The following ZMYM4 variants were observed in gnomAD, a reference collection of about 807,000 sequenced individuals.
ZMYM4 encodes the protein zinc finger MYM-type containing 4, also known as zinc finger MYM-type protein 4.
A neutral mutation model predicts 183.2 loss-of-function variants in ZMYM4; 31 were observed. The observed-to-expected ratio is 0.17, with a 90% CI of 0.13 to 0.23. ZMYM4 has a LOEUF of 0.23. Ranked by LOEUF, ZMYM4 falls within the 10% of genes least tolerant of loss-of-function variation. ZMYM4 has a pLI of 1.00. For synonymous variants in ZMYM4, 592 were observed against 631.2 expected, an observed-to-expected ratio of 0.94 and a Z score of 0.93; for missense variants, 1,273 against 1,840.3, an observed-to-expected ratio of 0.69 and a Z score of 5.64.
chr1:35,281,604 T>G (rs868299512), intron 1 of ZMYM4, among the ~76,000 whole-genome samples: 1 of 151,816 alleles, frequency 6.6e-6, no homozygotes, highest in Non-Finnish European at 1.5e-5. Context: ...AAAACACCAC[T>G]GTGTACCCCC....
At chr1:35,329,004 G>A (rs893917946) in intron 2 of ZMYM4, among the ~76,000 whole-genome samples, 2 of 152,056 alleles carry the variant, frequency 1.3e-5, no homozygotes, top group Admixed American at 6.6e-5. Context: ...CGGGATATGG[G>A]ACCTCAAATA....
chr1:35,395,770 A>G (rs1030160879), intron 18 of ZMYM4, among the ~76,000 whole-genome samples: 1 of 152,230 alleles, frequency 6.6e-6, no homozygotes, highest in Non-Finnish European at 1.5e-5. Flanking sequence ...ATTTTATAAT[A>G]AAGTTTTGAA....
chr1:35,348,396 G>A (rs1487359427), intron 2 of ZMYM4, among the ~76,000 whole-genome samples: 4 of 152,090 alleles, frequency 2.6e-5, no homozygotes, highest in African/African-American at 4.8e-5. Context: ...ATTTCTTGTA[G>A]CATTACTTAT....
chr1:35,393,752 G>GTCTT lies in ZMYM4; in HGVS notation c.2911+23_2911+26dup. On this transcript the variant is annotated intron_variant, in intron 18 of 29. Transcript: ENST00000314607. ...GAATGCCAGACAGGTATGTTCCTTGGTCTTTCTTTCTTTATTAATTTTTTA... is the reference window on the plus strand; with the variant it reads ...GAATGCCAGACAGGTATGTTCCTTGGTCTTTCTTTCTTTCTTTATTAATTTTTTA... 2.5e-6 allele frequency: 4 copies of GTCTT among 1,568,884 alleles called. No homozygotes were observed. Among genetic ancestry groups the GTCTT allele is most frequent in the Non-Finnish European group, 3.4e-6 (4 of 1,161,132 alleles).
intron 9 of ZMYM4, among the ~76,000 whole-genome samples, chr1:35,383,867 A>ACTC: frequency 6.6e-6 from 1 of 152,270 alleles, no homozygotes; most frequent in South Asian, 2.1e-4. Context: ...ACCTTGGGGA[A>ACTC]AGCAGTTAAG....
Position 35,387,173 on chromosome 1 carries a change from C to T in ZMYM4, c.2007C>T (p.Leu669=), listed in dbSNP as rs749044700. Residue 669 remains leucine, a synonymous_variant, in exon 12 of 30, where the codon CTC becomes CTT. Coordinates refer to ENST00000314607, the MANE Select transcript of ZMYM4 (RefSeq NM_005095.3). The part of the protein sequence containing the change: ...SSSAAAGLQR[L]AAQSQHVGFA... ...CTGCTGCAGCTGGTCTCCAGCGTCT[C>T]GCTGCCCAGTCCCAGCATGTTGGGT... The T allele has an allele frequency of 1.9e-5, 30 of 1,614,128 alleles. No individual in the cohort carries two copies. Among genetic ancestry groups the T allele is most frequent in the African/African-American group, 2.7e-5 (2 of 74,940 alleles).
At chr1:35,367,011 T>G (rs1231803357) in intron 5 of ZMYM4, among the ~76,000 whole-genome samples, 7 of 136,738 alleles carry the variant, frequency 5.1e-5, no homozygotes, top group South Asian at 2.3e-4. Flanking sequence ...GGGATAAGAG[T>G]GAAACTCCAT....
intron 1 of ZMYM4, among the ~76,000 whole-genome samples, chr1:35,308,025 G>A (rs528626077): frequency 6.7e-6 from 1 of 148,962 alleles, no homozygotes; most frequent in Non-Finnish European, 1.5e-5. Flanking sequence ...ATGGAATCTC[G>A]ATATCACCCA....
At chr1:35,365,602 A>T (rs1644058024) in intron 5 of ZMYM4, among the ~76,000 whole-genome samples, 1 of 152,270 alleles carries the variant, frequency 6.6e-6, no homozygotes, top group South Asian at 2.1e-4. Context: ...AGCCATATTG[A>T]GTTAATTTGG....
intron 1 of ZMYM4, among the ~76,000 whole-genome samples, chr1:35,320,731 CAGTT>C (rs1642246182): frequency 6.6e-6 from 1 of 152,178 alleles, no homozygotes; most frequent in South Asian, 2.1e-4. Context: ...ATAGGACACA[CAGTT>C]GGTGTCTGCT....
intron 1 of ZMYM4, among the ~76,000 whole-genome samples, chr1:35,297,337 AC>A (rs1641069487): frequency 6.6e-6 from 1 of 152,146 alleles, no homozygotes; most frequent in Non-Finnish European, 1.5e-5. Context: ...GATTATTAAT[AC>A]AAAAATGAGC....
In ZMYM4 at chr1:35,392,650, C is replaced by T; in HGVS notation, c.2732C>T (p.Ala911Val). 1 of 1,592,298 alleles carries T rather than the reference C, an allele frequency of 6.3e-7. No homozygotes were observed. The highest frequency in any genetic ancestry group is 8.5e-7 in the Non-Finnish European group (1 of 1,172,902). ...TTATGTTTTAATTTATATCAAGGTGCAGTTCCAACAGTAACAGCGAAAATC... is the reference window on the plus strand; with the variant it reads ...TTATGTTTTAATTTATATCAAGGTGTAGTTCCAACAGTAACAGCGAAAATC... ...TVNSNSVLQG[A>V]VPTVTAKIIG... Residue 911 changes from alanine (A) to valine (V), a missense_variant, in exon 17 of 30, where the codon GCA (alanine) becomes GTA (valine). By Grantham distance (64) the Ala-to-Val change is moderately conservative. Around this residue, in one of 6 missense-constraint regions of ZMYM4, gnomAD observed 290 missense variants for 353.3 expected, o/e 0.82. Transcript: ENST00000314607.
chr1:35,390,184 GTTGTCATTAAT>G, intron 15 of ZMYM4, 86 bp downstream of exon 15: 1 of 1,381,362 alleles, frequency 7.2e-7, no homozygotes, highest in Non-Finnish European at 9.6e-7. Context: ...TGTGTAAACA[GTTGTCATTAAT>G]TTCATGAAAC....
At chr1:35,393,844 T>G (rs1644754952) in intron 18 of ZMYM4, 105 bp downstream of exon 18, 1 of 1,285,204 alleles carries the variant, frequency 7.8e-7, no homozygotes, top group African/African-American at 1.5e-5. Context: ...TGTTTGGTTG[T>G]TTGTATACAT....
intron 1 of ZMYM4, among the ~76,000 whole-genome samples, chr1:35,294,311 G>A (rs1301803574): frequency 1.3e-5 from 2 of 151,880 alleles, no homozygotes; most frequent in Non-Finnish European, 2.9e-5. Flanking sequence ...TCATGTTCCT[G>A]GATGGAAAAA....
chr1:35,329,564 G>A (rs765119615), intron 2 of ZMYM4, among the ~76,000 whole-genome samples: 3 of 152,190 alleles, frequency 2.0e-5, no homozygotes, highest in Non-Finnish European at 4.4e-5. Context: ...GAACATAACA[G>A]ACTTGACAGT....
At position 35,307,542 on chromosome 1, in the gene ZMYM4, A is replaced by AT. The variant is rs1156933602; in HGVS notation, c.40-17808dup. Among the ~76,000 whole-genome samples the AT allele has an allele frequency of 3.8e-3, 519 of 136,124 alleles. 3 individuals are homozygous for AT. The highest frequency in any genetic ancestry group is 0.02 in the South Asian group (87 of 4,448). 89.3% of individuals were successfully genotyped at this position (136,124 alleles called of 152,430 possible). The stretch of plus-strand genomic sequence containing the variant: ...TTTTATTATTATTATTATTATTATT[A>AT]TTTTTTTTTTGAGACAGAGTCTTGC... On this transcript the variant is annotated intron_variant, in intron 1 of 29. Coordinates refer to ENST00000314607, the MANE Select transcript of ZMYM4 (RefSeq NM_005095.3).
In ZMYM4 at chr1:35,381,755, G is replaced by A. The variant is rs372957707; in HGVS notation, c.1566G>A (p.Lys522=). Residue 522 remains lysine (K), a synonymous_variant, in exon 9 of 30, where the codon AAG becomes AAA. Transcript: ENST00000314607. ...FCSSSCITAY[K]QKSAKITPCA... is the part of the protein sequence containing the mutation. ...GTTCATCGTGTATCACGGCATACAA[G>A]CAGGTACATGACCATATTTAATCTT... The A allele has an allele frequency of 1.3e-4, 205 of 1,613,992 alleles. No homozygotes were observed. Among genetic ancestry groups the A allele is most frequent in the South Asian group, 4.7e-4 (43 of 91,066 alleles).
At chr1:35,320,879 T>C (rs1429578948) in intron 1 of ZMYM4, among the ~76,000 whole-genome samples, 1 of 152,182 alleles carries the variant, frequency 6.6e-6, no homozygotes, top group Non-Finnish European at 1.5e-5. Context: ...TGCCCTGGCT[T>C]TGAGAAGTGT....
Sources: allele counts gnomAD v4.1 joint callset (sites outside exome capture counted in the v4.1 genomes callset), GRCh38; gene constraint gnomAD v4.1.1; regional missense constraint gnomAD v4.1.1; transcripts MANE v1.5; gene names NCBI Gene and HGNC (gene_info 2026-07-23, HGNC 2026-07-21).